Variants in CNTN6 observed in about 807,000 individuals in gnomAD.
CNTN6 encodes the protein contactin-6.
In CNTN6, 137 loss-of-function variants were observed where a neutral mutation model predicts 122.8. That is an observed-to-expected ratio of 1.12 (90% CI 0.97 to 1.29). The LOEUF is 1.29. Ranked by LOEUF, CNTN6 falls within the 50% of genes most tolerant of loss-of-function variation. The probability of loss-of-function intolerance (pLI) is 0.00; values close to 1 mark genes in which losing one functional copy is unlikely to be tolerated. For missense variants in CNTN6, 1,634 were observed against 1,223.4 expected, an observed-to-expected ratio of 1.34 and a Z score of -5.01; for synonymous variants, 570 against 426.0, an observed-to-expected ratio of 1.34 and a Z score of -4.16.
At chr3:1,149,274 A>G (rs1363523353) in intron 2 of CNTN6, among the ~76,000 whole-genome samples, 1 of 152,206 alleles carries the variant, frequency 6.6e-6, no homozygotes, top group Non-Finnish European at 1.5e-5. Context: ...TGATTAGATC[A>G]TATGATTATC....
chr3:1,388,116 GACAA>G (rs781482858), intron 20 of CNTN6, among the ~76,000 whole-genome samples: 17 of 152,266 alleles, frequency 1.1e-4, no homozygotes, highest in African/African-American at 2.6e-4. Context: ...GCAGGGCACA[GACAA>G]ACAAAAAGAC....
chr3:1,387,564 G>T (rs1693226118), intron 20 of CNTN6, among the ~76,000 whole-genome samples: 1 of 152,082 alleles, frequency 6.6e-6, no homozygotes, highest in Non-Finnish European at 1.5e-5. Flanking sequence ...GTGTGTAGGG[G>T]GAGGAGCCAA....
chr3:1,217,029 G>A (rs539930472), intron 2 of CNTN6, among the ~76,000 whole-genome samples: 1 of 152,268 alleles, frequency 6.6e-6, no homozygotes, highest in East Asian at 1.9e-4. Flanking sequence ...TACTCATTGT[G>A]AGGCACAATG....
chr3:1,361,211 A>T lies in CNTN6; in HGVS notation c.1492+8760A>T, dbSNP rs1041678818. Among the ~76,000 whole-genome samples the T allele has an allele frequency of 9.2e-5, 14 of 152,248 alleles. No individual in the cohort carries two copies. The East Asian group carries it at 2.3e-3, about 25-fold the overall frequency. On this transcript the variant is annotated intron_variant, in intron 12 of 22. Transcript: ENST00000446702. Reference sequence around the variant, plus strand: ...ACACGCTAAACCCACACCTTGACACACACAAGAAAAAATTATTTGGACCAA... The same window carrying T: ...ACACGCTAAACCCACACCTTGACACTCACAAGAAAAAATTATTTGGACCAA...
At chr3:1,118,124 A>G (rs1466665109) in intron 1 of CNTN6, among the ~76,000 whole-genome samples, 3 of 152,282 alleles carry the variant, frequency 2.0e-5, no homozygotes, top group Middle Eastern at 3.4e-3. Context: ...CTAAATATGT[A>G]ACTCTGCTGC....
chr3:1,209,052 C>T (rs1015353937), intron 2 of CNTN6, among the ~76,000 whole-genome samples: 15 of 152,116 alleles, frequency 9.9e-5, no homozygotes, highest in African/African-American at 3.4e-4. Flanking sequence ...AAGAGATCAA[C>T]AGAATGTGAA....
chr3:1,243,071 T>A (rs1165079256), intron 4 of CNTN6, among the ~76,000 whole-genome samples: 1 of 152,180 alleles, frequency 6.6e-6, no homozygotes, highest in Admixed American at 6.6e-5. Context: ...GCGTCAGTCT[T>A]CAGCTGCTAA....
In CNTN6 at chr3:1,236,209, T is replaced by TTAACAAAATGTCCCTAGAGCAAG. The variant is rs539422017; in HGVS notation, c.358+8217_358+8218insAACAAAATGTCCCTAGAGCAAGT. 3.0e-3 allele frequency among the ~76,000 whole-genome samples: 459 copies of TTAACAAAATGTCCCTAGAGCAAG among 152,128 alleles called. 4 individuals carry two copies. The highest frequency in any genetic ancestry group is 0.01 in the African/African-American group (433 of 41,500). On this transcript the variant is annotated intron_variant, in intron 4 of 22. Coordinates refer to ENST00000446702, the MANE Select transcript of CNTN6 (RefSeq NM_001289080.2). The stretch of plus-strand genomic sequence containing the variant: ...CCCACCACCTGAGAAACCTGAATAC[T>TTAACAAAATGTCCCTAGAGCAAG]TTTGCATCCTCCGTATAGGACCACA...
Position 1,154,467 on chromosome 3 carries a change from G to C in CNTN6, c.55+6404G>C, listed in dbSNP as rs146709009. Among the ~76,000 whole-genome samples the C allele has an allele frequency of 4.1e-3, 471 of 113,596 alleles. 2 individuals carry two copies. Among genetic ancestry groups the C allele is most frequent in the Middle Eastern group, 0.027 (7 of 256 alleles). The allele number at this position is 113,596 out of a possible 152,430, so 74.5% of individuals were successfully genotyped here. A position where few individuals can be genotyped will look rare whatever the true frequency, so the allele number is the denominator to read the frequency against. On this transcript the variant is annotated intron_variant, in intron 2 of 22. Transcript: ENST00000446702. ...TTCTTTCTTTTTTTTTTTTGAGGTG[G>C]AGTTTTGCTCTTGTTGCCCAGGCTA... is the stretch of plus-strand genomic sequence containing the variant.
In CNTN6 at chr3:1,371,344, A is replaced by AT. The variant is rs1222711717; in HGVS notation, c.1493-945dup. ...CTATTTTTAAACTTCTTCATGTATA[A>AT]TTTTTTTTTTACAATAACTTGCCTA... is the stretch of plus-strand genomic sequence containing the variant. On this transcript the variant is annotated intron_variant, in intron 12 of 22. Transcript: ENST00000446702. Among the ~76,000 whole-genome samples, 500 of 149,414 alleles carry AT rather than the reference A, an allele frequency of 3.3e-3. 3 individuals carry two copies. The highest frequency in any genetic ancestry group is 0.01 in the African/African-American group (411 of 40,936).
intron 5 of CNTN6, among the ~76,000 whole-genome samples, chr3:1,292,031 A>AT (rs1169214033): frequency 7.3e-5 from 11 of 151,462 alleles, no homozygotes; most frequent in East Asian, 1.9e-4. Context: ...CGTCAAAACA[A>AT]TTTTTTTTTG....
At chr3:1,254,052 T>G (rs62229428) in intron 4 of CNTN6, among the ~76,000 whole-genome samples, 13,655 of 152,250 alleles carry the variant, frequency 0.09, 772 homozygotes, top group Middle Eastern at 0.17. Context: ...ATAAAAAATT[T>G]CAAACATACA....
chr3:1,309,112 A>G (rs1698833070), intron 7 of CNTN6, among the ~76,000 whole-genome samples: 1 of 152,090 alleles, frequency 6.6e-6, no homozygotes, highest in African/African-American at 2.4e-5. Context: ...CAATGTCCTT[A>G]ACAAAGCACA....
intron 18 of CNTN6, 45 bp downstream of exon 18, chr3:1,383,221 G>T: frequency 4.4e-6 from 7 of 1,594,680 alleles, no homozygotes; most frequent in Non-Finnish European, 6.0e-6. Flanking sequence ...TCTATGCATA[G>T]TTTGTGTTCC....
At chr3:1,310,552 G>A (rs1247760467) in intron 7 of CNTN6, among the ~76,000 whole-genome samples, 1 of 152,130 alleles carries the variant, frequency 6.6e-6, no homozygotes, top group Non-Finnish European at 1.5e-5. Context: ...TTGTATTAAT[G>A]AAAGATACTG....
At chr3:1,286,345 T>C (rs535593675) in intron 5 of CNTN6, among the ~76,000 whole-genome samples, 9 of 152,216 alleles carry the variant, frequency 5.9e-5, no homozygotes, top group Middle Eastern at 3.4e-3. Context: ...TATCCCTCCC[T>C]TAGCCCCCCA....
At chr3:1,248,141 A>G (rs1056430544) in intron 4 of CNTN6, among the ~76,000 whole-genome samples, 3 of 152,150 alleles carry the variant, frequency 2.0e-5, no homozygotes. Context: ...TCCTTTGAGC[A>G]TTCCTTCATG....
At chr3:1,382,105 T>TA (rs5846113) in intron 17 of CNTN6, among the ~76,000 whole-genome samples, 24,804 of 145,254 alleles carry the variant, frequency 0.17, 2,175 homozygotes, top group Non-Finnish European at 0.19. Context: ...GAATATTTAT[T>TA]AAAAAAAAAA....
At chr3:1,216,983 A>G (rs1030100362) in intron 2 of CNTN6, among the ~76,000 whole-genome samples, 4 of 152,172 alleles carry the variant, frequency 2.6e-5, no homozygotes, top group African/African-American at 7.2e-5. Flanking sequence ...GATGATGATG[A>G]TGCTGATGAT....
Sources: gnomAD v4.1 joint callset for allele counts (sites outside exome capture counted in the v4.1 genomes callset) on GRCh38, gnomAD v4.1.1 for gene constraint, MANE v1.5 for transcripts, NCBI Gene and HGNC (gene_info 2026-07-23, HGNC 2026-07-21) for gene names.